Variants in PTPRD observed in about 807,000 individuals in gnomAD.
PTPRD encodes the protein receptor-type tyrosine-protein phosphatase delta.
In PTPRD, 34 loss-of-function variants were observed where a neutral mutation model predicts 214.5. That is an observed-to-expected ratio of 0.16 (90% CI 0.12 to 0.21). The LOEUF (loss-of-function observed/expected upper bound fraction) is 0.21, where lower values mean the gene tolerates loss of function less well. Among genes scored for constraint, PTPRD ranks in the 10% least tolerant of loss-of-function variants. The probability of loss-of-function intolerance (pLI) is 1.00; values close to 1 mark genes in which losing one functional copy is unlikely to be tolerated. For synonymous variants in PTPRD, 1,128 were observed against 845.7 expected, an observed-to-expected ratio of 1.33 and a Z score of -5.79; for missense variants, 2,545 against 2,398.7, an observed-to-expected ratio of 1.06 and a Z score of -1.27.
At chr9:9,251,809 G>T (rs761990844) in intron 9 of PTPRD, among the ~76,000 whole-genome samples, 1 of 152,038 alleles carries the variant, frequency 6.6e-6, no homozygotes, top group Non-Finnish European at 1.5e-5. Context: ...AACTGCTCTA[G>T]AATTATTGTT....
intron 2 of PTPRD, among the ~76,000 whole-genome samples, chr9:10,363,951 C>T (rs920082671): frequency 4.1e-5 from 6 of 146,448 alleles, no homozygotes; most frequent in Admixed American, 3.4e-4. Context: ...CATAACTTCC[C>T]AATCAATATG....
At chr9:8,510,268 G>A (rs900891312) in intron 21 of PTPRD, among the ~76,000 whole-genome samples, 17 of 152,082 alleles carry the variant, frequency 1.1e-4, no homozygotes, top group South Asian at 2.1e-4. Context: ...CACCACCCTG[G>A]ATGACAGAGT....
At chr9:9,789,920 T>A (rs1404416746) in intron 5 of PTPRD, among the ~76,000 whole-genome samples, 1 of 151,946 alleles carries the variant, frequency 6.6e-6, no homozygotes, top group Admixed American at 6.6e-5. Context: ...CTGGATGAAC[T>A]TCAATTATAT....
At chr9:10,345,719 A>G (rs2097064258) in intron 2 of PTPRD, among the ~76,000 whole-genome samples, 1 of 152,200 alleles carries the variant, frequency 6.6e-6, no homozygotes, top group African/African-American at 2.4e-5. Context: ...GTGTTGCAAA[A>G]CACATACGTG....
chr9:8,695,860 G>C (rs959750264), intron 12 of PTPRD, among the ~76,000 whole-genome samples: 1 of 152,184 alleles, frequency 6.6e-6, no homozygotes, highest in Non-Finnish European at 1.5e-5. Context: ...ATTACTGTAA[G>C]TAAATGTGAG....
chr9:9,709,879 A>G (rs533493974), intron 7 of PTPRD, among the ~76,000 whole-genome samples: 80 of 152,176 alleles, frequency 5.3e-4, no homozygotes, highest in Non-Finnish European at 7.7e-4. Context: ...CTTCCTGAGG[A>G]AACCTGTTTA....
chr9:9,273,281 C>G (rs1406016723), intron 9 of PTPRD, among the ~76,000 whole-genome samples: 5 of 151,216 alleles, frequency 3.3e-5, no homozygotes, highest in Non-Finnish European at 5.9e-5. Context: ...TTTGGCCTAA[C>G]AGCACTGTGA....
At chr9:8,632,738 T>C (rs1463698757) in intron 14 of PTPRD, among the ~76,000 whole-genome samples, 3 of 152,120 alleles carry the variant, frequency 2.0e-5, no homozygotes, top group South Asian at 2.1e-4. Flanking sequence ...GTAAGCAACA[T>C]TGTTGGAGAC....
At chr9:9,734,772 A>C (rs1000809629) in intron 6 of PTPRD, among the ~76,000 whole-genome samples, 1 of 152,112 alleles carries the variant, frequency 6.6e-6, no homozygotes, top group Non-Finnish European at 1.5e-5. Flanking sequence ...TGTGCCATTA[A>C]AACAAAGGAA....
intron 9 of PTPRD, among the ~76,000 whole-genome samples, chr9:9,338,189 G>C: frequency 6.6e-6 from 1 of 152,210 alleles, no homozygotes; most frequent in Non-Finnish European, 1.5e-5. Context: ...CTCAGTGCTA[G>C]TGCAAAGAAT....
At chr9:8,404,358 A>AC (rs2092755527) in intron 36 of PTPRD, among the ~76,000 whole-genome samples, 179 bp downstream of exon 36, 1 of 151,994 alleles carries the variant, frequency 6.6e-6, no homozygotes. Context: ...CGAACTCCTG[A>AC]CCTCAGGCGA....
At chr9:8,481,579 T>A (rs777440169) in intron 30 of PTPRD, among the ~76,000 whole-genome samples, 4 of 152,196 alleles carry the variant, frequency 2.6e-5, no homozygotes, top group Non-Finnish European at 4.4e-5. Flanking sequence ...CCCTTTGCCA[T>A]GCTGCTCTGG....
chr9:9,121,297 AATTG>A (rs1193164853), intron 10 of PTPRD, among the ~76,000 whole-genome samples: 2 of 152,236 alleles, frequency 1.3e-5, no homozygotes, highest in African/African-American at 4.8e-5. Context: ...TAGAACTGCC[AATTG>A]ATTGAGCAAT....
chr9:8,548,147 G>A (rs2080822119), intron 14 of PTPRD, among the ~76,000 whole-genome samples: 1 of 152,176 alleles, frequency 6.6e-6, no homozygotes, highest in Non-Finnish European at 1.5e-5. Flanking sequence ...TCAAGGCACA[G>A]GGAAAAGTAT....
chr9:9,540,549 C>A (rs1016356073), intron 8 of PTPRD, among the ~76,000 whole-genome samples: 1 of 151,710 alleles, frequency 6.6e-6, no homozygotes, highest in African/African-American at 2.4e-5. Context: ...GAACAAGGGA[C>A]ATTTAGACAG....
At chr9:9,566,952 G>T (rs771513045) in intron 8 of PTPRD, among the ~76,000 whole-genome samples, 1 of 152,032 alleles carries the variant, frequency 6.6e-6, no homozygotes, top group Non-Finnish European at 1.5e-5. Context: ...AGTGATTACA[G>T]AGTCAAATAC....
intron 10 of PTPRD, among the ~76,000 whole-genome samples, chr9:9,165,519 T>G (rs868025421): frequency 7.2e-5 from 11 of 152,164 alleles, no homozygotes; most frequent in Admixed American, 1.3e-4. Context: ...TTGGGATAGA[T>G]AGAAACTATA....
At chr9:9,565,169 A>G (rs1569569323) in intron 8 of PTPRD, among the ~76,000 whole-genome samples, 1 of 151,786 alleles carries the variant, frequency 6.6e-6, no homozygotes, top group African/African-American at 2.4e-5. Flanking sequence ...TATCTGAATG[A>G]GTAATTGTAA....
chr9:8,747,396 A>T (rs983194561), intron 11 of PTPRD, among the ~76,000 whole-genome samples: 6 of 152,204 alleles, frequency 3.9e-5, no homozygotes, highest in Non-Finnish European at 7.3e-5. Context: ...GGAAACACCT[A>T]TCAAACATCA....
Sources: gnomAD v4.1 joint callset for allele counts (sites outside exome capture counted in the v4.1 genomes callset) on GRCh38, gnomAD v4.1.1 for gene constraint, MANE v1.5 for transcripts, NCBI Gene and HGNC (gene_info 2026-07-23, HGNC 2026-07-21) for gene names.